Variants in PCNP observed in about 807,000 individuals in gnomAD.
The protein encoded by PCNP is PEST proteolytic signal-containing nuclear protein.
In PCNP, 6 loss-of-function variants were observed where a neutral mutation model predicts 21.8. The observed-to-expected ratio is 0.28, with a 90% CI of 0.15 to 0.54. PCNP has a LOEUF of 0.54. Among genes scored for constraint, PCNP ranks in the 20% least tolerant of loss-of-function variants. The probability of loss-of-function intolerance (pLI) is 0.95; values close to 1 mark genes in which losing one functional copy is unlikely to be tolerated. For synonymous variants in PCNP, 67 were observed against 73.2 expected (o/e 0.92, Z 0.43); for missense variants, 161 against 215.5 (o/e 0.75, Z 1.58).
chr3:101,592,662 A>G lies in PCNP; in HGVS notation c.446A>G (p.Asn149Ser). Residue 149 changes from asparagine (N) to serine (S), a missense_variant, in exon 5 of 5, where the codon AAT becomes AGT. Around this residue, in one of 4 missense-constraint regions of PCNP, gnomAD observed 66 missense variants for 127.8 expected, o/e 0.52. Transcript: ENST00000265260. ...TPTSAGPNSF[N>S]KGKHGFSDNQ... The stretch of plus-strand genomic sequence containing the variant: ...ACATCAGCTGGACCAAACTCCTTCA[A>G]TAAAGGAAAGCATGGGTTTTCTGAT... 3 of 1,611,890 alleles carry G rather than the reference A, an allele frequency of 1.9e-6. No homozygotes were observed. Among genetic ancestry groups the G allele is most frequent in the Non-Finnish European group, 2.5e-6 (3 of 1,178,598 alleles).
chr3:101,590,415 T>G, intron 4 of PCNP, 145 bp downstream of exon 4: 2 of 572,576 alleles, frequency 3.5e-6, no homozygotes, highest in South Asian at 4.9e-5. Context: ...ACTAGATGAT[T>G]AATTAGGATT....
intron 4 of PCNP, among the ~76,000 whole-genome samples, chr3:101,592,366 G>A (rs1935861301): frequency 6.6e-6 from 1 of 151,958 alleles, no homozygotes; most frequent in Non-Finnish European, 1.5e-5. Flanking sequence ...TAGAGACGGG[G>A]CTTCACTGTG....
At chr3:101,585,907 A>G (rs1284112451) in intron 3 of PCNP, among the ~76,000 whole-genome samples, 1 of 152,154 alleles carries the variant, frequency 6.6e-6, no homozygotes, top group Non-Finnish European at 1.5e-5. Context: ...GCGGTGTCTC[A>G]TGCCTGTAAG....
At chr3:101,576,992 AATTTTTGT>A in intron 1 of PCNP, 1 of 892,836 alleles carries the variant, frequency 1.1e-6, no homozygotes. Context: ...GTGGAGGAGC[AATTTTTGT>A]ATTTTTAGTA....
chr3:101,586,571 T>TGTGTGTGTGAGA, intron 3 of PCNP, among the ~76,000 whole-genome samples: 22 of 114,198 alleles, frequency 1.9e-4, no homozygotes, highest in African/African-American at 5.5e-4. Flanking sequence ...TGTGTGTGTG[T>TGTGTGTGTGAGA]GAGAGAGAGA....
chr3:101,577,787 G>C (rs1196313965), intron 1 of PCNP, among the ~76,000 whole-genome samples: 4 of 152,178 alleles, frequency 2.6e-5, no homozygotes, highest in Non-Finnish European at 5.9e-5. Flanking sequence ...GCCTCCCAAA[G>C]TGCTGGGATT....
At chr3:101,582,038 C>G (rs1158322751) in intron 2 of PCNP, among the ~76,000 whole-genome samples, 1 of 151,702 alleles carries the variant, frequency 6.6e-6, no homozygotes, top group African/African-American at 2.4e-5. Context: ...CCACGCCCGG[C>G]CTACTCTTTC....
At chr3:101,579,468 T>C (rs1935112482) in intron 1 of PCNP, 2 of 467,030 alleles carry the variant, frequency 4.3e-6, no homozygotes, top group Admixed American at 5.0e-5. Context: ...ATCTGATTTC[T>C]AAAAAGCAAA....
chr3:101,586,577 A>G (rs918968840), intron 3 of PCNP, among the ~76,000 whole-genome samples: 3 of 60,666 alleles, frequency 4.9e-5, no homozygotes, highest in Non-Finnish European at 1.3e-4. Context: ...TGTGTGAGAG[A>G]GAGAGAGAGA....
chr3:101,580,076 A>G, intron 2 of PCNP, 72 bp downstream of exon 2: 2 of 1,069,364 alleles, frequency 1.9e-6, no homozygotes, highest in Admixed American at 3.7e-5. Flanking sequence ...GGCGTTTACT[A>G]GGTTATGGTA....
At chr3:101,576,680 C>T in intron 1 of PCNP, 1 of 1,612,156 alleles carries the variant, frequency 6.2e-7, no homozygotes, top group African/African-American at 1.3e-5. Flanking sequence ...CCATCCTTTA[C>T]ATCCTTCTGT....
At chr3:101,575,941 A>G (rs1934855593) in intron 1 of PCNP, among the ~76,000 whole-genome samples, 1 of 152,202 alleles carries the variant, frequency 6.6e-6, no homozygotes, top group Non-Finnish European at 1.5e-5. Flanking sequence ...ACTTAGAGTA[A>G]GTAAATATCC....
intron 1 of PCNP, among the ~76,000 whole-genome samples, chr3:101,577,748 T>C (rs539624038): frequency 6.6e-6 from 1 of 152,272 alleles, no homozygotes; most frequent in South Asian, 2.1e-4. Context: ...GGTCTCAAAC[T>C]CCTGACCTCA....
intron 3 of PCNP, among the ~76,000 whole-genome samples, chr3:101,587,216 C>T (rs55678600): frequency 2.6e-5 from 4 of 151,292 alleles, no homozygotes; most frequent in South Asian, 4.2e-4. Flanking sequence ...TGCCATTGCA[C>T]TCCAGCCTGG....
intron 1 of PCNP, chr3:101,576,481 C>T: frequency 6.4e-7 from 1 of 1,566,744 alleles, no homozygotes; most frequent in Non-Finnish European, 8.8e-7. Context: ...CAGACAAGGC[C>T]TACAGACTTA....
chr3:101,578,590 A>C (rs1347746823), intron 1 of PCNP, among the ~76,000 whole-genome samples: 1 of 152,212 alleles, frequency 6.6e-6, no homozygotes, highest in Non-Finnish European at 1.5e-5. Context: ...GGGAATAAAG[A>C]GTTTCTTTTA....
intron 1 of PCNP, chr3:101,577,075 T>G: frequency 1.5e-6 from 1 of 678,624 alleles, no homozygotes; most frequent in Non-Finnish European, 2.7e-6. Context: ...TCCGCCCGCC[T>G]CGGCCTCCCG....
In PCNP at chr3:101,574,236, A is replaced by T; in HGVS notation, c.21A>T (p.Gly7=). The change falls in exon 1 of 5, where the codon GGA becomes GGT. Residue 7 remains glycine, a synonymous_variant. Transcript: ENST00000265260. ...GGAAAATGGCGGACGGGAAGGCGGG[A>T]GACGAGAAGCCTGAAAAGTCGCAGC... MADGKA[G]DEKPEKSQRA... is the part of the protein sequence containing the mutation. The T allele has an allele frequency of 6.5e-7, 1 of 1,549,584 alleles. No homozygotes were observed. The highest frequency in any genetic ancestry group is 8.7e-7 in the Non-Finnish European group (1 of 1,145,848).
chr3:101,585,567 TTAG>T, intron 3 of PCNP, 56 bp downstream of exon 3: 1 of 1,113,712 alleles, frequency 9.0e-7, no homozygotes, highest in Non-Finnish European at 1.4e-6. Flanking sequence ...AAGGAAGGTA[TTAG>T]TGGCAAATTA....
Sources: allele counts gnomAD v4.1 joint callset (sites outside exome capture counted in the v4.1 genomes callset), GRCh38; gene constraint gnomAD v4.1.1; regional missense constraint gnomAD v4.1.1; transcripts MANE v1.5; gene names NCBI Gene and HGNC (gene_info 2026-07-23, HGNC 2026-07-21).